UGT1A1: variants seen among roughly 807,000 people sequenced by gnomAD.
UGT1A1 encodes UDP-glucuronosyltransferase 1A1.
In UGT1A1, 33 loss-of-function variants were observed where a neutral mutation model predicts 40.6. The observed-to-expected ratio is 0.81, with a 90% CI of 0.62 to 1.09. UGT1A1 has a LOEUF of 1.09. Ranked by LOEUF, UGT1A1 falls within the 50% of genes least tolerant of loss-of-function variation. The probability of loss-of-function intolerance (pLI) is 0.00; values close to 1 mark genes in which losing one functional copy is unlikely to be tolerated. For missense variants in UGT1A1, 694 were observed against 671.2 expected (o/e 1.03, Z -0.38); for synonymous variants, 249 against 265.0 (o/e 0.94, Z 0.59).
rs62625011 is a variant in UGT1A1 at position 233,767,092 on chromosome 2, G to A, written c.923G>A (p.Gly308Glu). The A allele has an allele frequency of 2.5e-6, 4 of 1,614,070 alleles. No individual in the cohort carries two copies. In the Admixed American group the frequency reaches 5.0e-5, roughly 20 times the overall value. The change falls in exon 2 of 5, where the codon GGA becomes GAA. Residue 308 changes from glycine to glutamate, a missense_variant. Coordinates refer to ENST00000305208, the MANE Select transcript of UGT1A1 (RefSeq NM_000463.3). ...CATGGAATTGTGGTTTTCTCTTTGG[G>A]ATCAATGGTCTCAGAAATTCCAGAG... ...GEHGIVVFSL[G>E]SMVSEIPEKK...
intron 4 of UGT1A1, 99 bp downstream of exon 4, chr2:233,768,538 C>T: frequency 1.5e-6 from 2 of 1,345,412 alleles, no homozygotes; most frequent in South Asian, 1.4e-5. Context: ...AGCGTTGTTT[C>T]AAATATAAAA....
intron 1 of UGT1A1, among the ~76,000 whole-genome samples, chr2:233,761,626 A>C (rs1697818460): frequency 6.6e-6 from 1 of 152,238 alleles, no homozygotes; most frequent in Non-Finnish European, 1.5e-5. Flanking sequence ...TAAGAAGCTA[A>C]ATCCTGCAGT....
chr2:233,763,335 T>C (rs1344403817), intron 1 of UGT1A1, among the ~76,000 whole-genome samples: 2 of 152,244 alleles, frequency 1.3e-5, no homozygotes, highest in Non-Finnish European at 2.9e-5. Context: ...TTTGTTTACA[T>C]TTCCCTAGCA....
In UGT1A1 at chr2:233,768,589, T is replaced by TC. The variant is rs1441142658; in HGVS notation, c.1304+150_1304+151insC. The TC allele has an allele frequency of 2.3e-4, 239 of 1,048,606 alleles. No individual in the cohort carries two copies. In the East Asian group the frequency reaches 3.3e-3, roughly 15 times the overall value. 65.0% of individuals were successfully genotyped at this position (1,048,606 alleles called of 1,614,324 possible). A position where few individuals can be genotyped will look rare whatever the true frequency, so the allele number is the denominator to read the frequency against. ...TCTGGATTTTTATTTCTTCTTTTTT[T>TC]TTTTTTTTTTTTTTTGAGATGGAGT... On this transcript the variant is annotated intron_variant, in intron 4 of 4. Transcript: ENST00000305208.
intron 4 of UGT1A1, among the ~76,000 whole-genome samples, chr2:233,771,914 AAC>A (rs1700408525): frequency 6.6e-6 from 1 of 152,068 alleles, no homozygotes; most frequent in African/African-American, 2.4e-5. Flanking sequence ...TGATAATAGT[AAC>A]ACAGCCTGGG....
At chr2:233,766,995 T>C in intron 1 of UGT1A1, 39 bp from the exon 2 acceptor site, 2 of 1,613,538 alleles carry the variant, frequency 1.2e-6, no homozygotes, top group Admixed American at 1.7e-5. Context: ...TCAAAGAATA[T>C]GAGAAAAAAT....
rs1208281269 is a variant in UGT1A1 at position 233,769,345 on chromosome 2, G to C, written c.1304+906G>C. Among the ~76,000 whole-genome samples, 1 of 152,210 alleles carries C rather than the reference G, an allele frequency of 6.6e-6. No individual in the cohort carries two copies. The highest frequency in any genetic ancestry group is 1.5e-5 in the Non-Finnish European group (1 of 68,032). On this transcript the variant is annotated intron_variant, in intron 4 of 4. Coordinates refer to ENST00000305208, the MANE Select transcript of UGT1A1 (RefSeq NM_000463.3). This position sits in a 1 kb window ranked among gnomAD's most constrained non-coding sequence, Gnocchi z 4.4. ...GTAATAGGCTTATTAGAACCTTATG[G>C]GAAGAAGTGGTGGCCAGTGGTAGAT...
rs2125984867 is a variant in UGT1A1 at position 233,760,487 on chromosome 2, A to G, written c.200A>G (p.Tyr67Cys). ...IVVLAPDASL[Y>C]IRDGAFYTLK... ...GTCCTAGCACCTGACGCCTCGTTGTACATCAGAGACGGAGCATTTTACACC... is the reference window on the plus strand; with the variant it reads ...GTCCTAGCACCTGACGCCTCGTTGTGCATCAGAGACGGAGCATTTTACACC... Residue 67 changes from tyrosine to cysteine, a missense_variant, in exon 1 of 5, where the codon TAC becomes TGC. Tyr to Cys is a radical substitution (Grantham distance 194). Transcript: ENST00000305208. 6.2e-7 allele frequency: 1 copy of G among 1,614,244 alleles called. No homozygotes were observed. The highest frequency in any genetic ancestry group is 8.5e-7 in the Non-Finnish European group (1 of 1,180,046).
In UGT1A1 at chr2:233,772,133, A is replaced by G. The variant is rs1203476934; in HGVS notation, c.1305-129A>G. ...GTATCTAAAAACAACAACAACAACA[A>G]TAATAGAAACAGGTTTCCTTTCCCA... On this transcript the variant is annotated intron_variant, in intron 4 of 4. Coordinates refer to ENST00000305208, the MANE Select transcript of UGT1A1 (RefSeq NM_000463.3). 1.9e-6 allele frequency: 3 copies of G among 1,545,744 alleles called. No homozygotes were observed. In the East Asian group the frequency reaches 7.3e-5, roughly 38 times the overall value.
At chr2:233,767,613 G>C (rs1438949419) in intron 2 of UGT1A1, among the ~76,000 whole-genome samples, 4 of 152,108 alleles carry the variant, frequency 2.6e-5, no homozygotes, top group African/African-American at 9.7e-5. Flanking sequence ...AAAATCCTAA[G>C]TGCACAGCTT....
chr2:233,763,101 G>A (rs911643886), intron 1 of UGT1A1, among the ~76,000 whole-genome samples: 8 of 152,178 alleles, frequency 5.3e-5, no homozygotes, highest in African/African-American at 1.7e-4. Context: ...GAGAGGCACC[G>A]AACTTTATCA....
rs1487587152 is a variant in UGT1A1 at position 233,760,943 on chromosome 2, A to G, written c.656A>G (p.Gln219Arg). 1 of 1,614,220 alleles carries G rather than the reference A, an allele frequency of 6.2e-7. No individual in the cohort carries two copies. Among genetic ancestry groups the G allele is most frequent in the South Asian group, 1.1e-5 (1 of 91,076 alleles). The change falls in exon 1 of 5, where the codon CAG becomes CGG. Residue 219 changes from glutamine to arginine, a missense_variant. Transcript: ENST00000305208. ...AAGAACATGCTCATTGCCTTTTCAC[A>G]GAACTTTCTGTGCGACGTGGTTTAT... ...RVKNMLIAFS[Q>R]NFLCDVVYSP...
chr2:233,767,823 C>T (rs763238770), intron 2 of UGT1A1, 26 bp from the exon 3 acceptor site: 36 of 1,614,026 alleles, frequency 2.2e-5, no homozygotes, highest in Non-Finnish European at 2.7e-5. Context: ...TCTTTCTTTA[C>T]GTTCTGCTCT....
At chr2:233,764,941 C>T (rs937605699) in intron 1 of UGT1A1, among the ~76,000 whole-genome samples, 2 of 152,052 alleles carry the variant, frequency 1.3e-5, no homozygotes, top group Admixed American at 6.5e-5. Flanking sequence ...GTGAGAGTGG[C>T]GGGGAGAGAG....
At position 233,769,700 on chromosome 2, in the gene UGT1A1, T is replaced by A; in HGVS notation, c.1304+1261T>A. The A allele has an allele frequency of 3.3e-6, 5 of 1,527,942 alleles. No homozygotes were observed. The highest frequency in any genetic ancestry group is 4.4e-6 in the Non-Finnish European group (5 of 1,136,410). 94.6% of individuals were successfully genotyped at this position (1,527,942 alleles called of 1,614,324 possible). On this transcript the variant is annotated intron_variant, in intron 4 of 4. Transcript: ENST00000305208. This position sits in a 1 kb window ranked among gnomAD's most constrained non-coding sequence, Gnocchi z 4.4. Reference sequence around the variant, plus strand: ...GTGTGTGGTGGCACTGGATAAAAGATCAATGTTGGCTAGGCACCATGGCAC... The same window carrying A: ...GTGTGTGGTGGCACTGGATAAAAGAACAATGTTGGCTAGGCACCATGGCAC...
chr2:233,761,546 G>A (rs1697796734), intron 1 of UGT1A1, among the ~76,000 whole-genome samples: 1 of 152,224 alleles, frequency 6.6e-6, no homozygotes, highest in Admixed American at 6.5e-5. Flanking sequence ...ATTCTTTGAT[G>A]ATGATAGATC....
In UGT1A1 at chr2:233,767,104, C is replaced by T. The variant is rs1699318263; in HGVS notation, c.935C>T (p.Ser312Leu). The part of the protein sequence containing the change: ...IVVFSLGSMV[S>L]EIPEKKAMAI... ...GTTTTCTCTTTGGGATCAATGGTCT[C>T]AGAAATTCCAGAGAAGAAAGCTATG... The change falls in exon 2 of 5, where the codon TCA becomes TTA. Residue 312 changes from serine to leucine, a missense_variant. Ser to Leu is a moderately radical substitution (Grantham distance 145). Coordinates refer to ENST00000305208, the MANE Select transcript of UGT1A1 (RefSeq NM_000463.3). 6.2e-7 allele frequency: 1 copy of T among 1,614,114 alleles called. No individual in the cohort carries two copies. The highest frequency in any genetic ancestry group is 8.5e-7 in the Non-Finnish European group (1 of 1,180,014).
At chr2:233,761,926 C>A (rs986768651) in intron 1 of UGT1A1, among the ~76,000 whole-genome samples, 4 of 152,226 alleles carry the variant, frequency 2.6e-5, no homozygotes, top group Admixed American at 1.3e-4. Context: ...GCAGCCCAGG[C>A]ACTTCCCAGG....
rs1408103062 is a variant in UGT1A1 at position 233,767,311 on chromosome 2, TTTG to T, written c.996+154_996+156del. On this transcript the variant is annotated intron_variant, in intron 2 of 4. Coordinates refer to ENST00000305208, the MANE Select transcript of UGT1A1 (RefSeq NM_000463.3). The stretch of plus-strand genomic sequence containing the variant: ...CCCAACTATTAATCCAAAGGTTTTT[TTTG>T]TTGTTGTGGTTGTTGTCATTGTTTT... 34 of 1,514,266 alleles carry T rather than the reference TTTG, an allele frequency of 2.2e-5. No homozygotes were observed. In the African/African-American group the frequency reaches 2.9e-4, roughly 13 times the overall value. The allele number at this position is 1,514,266 out of a possible 1,614,324, so 93.8% of individuals were successfully genotyped here. A position where few individuals can be genotyped will look rare whatever the true frequency, so the allele number is the denominator to read the frequency against.
Sources: gnomAD v4.1 joint callset for allele counts (sites outside exome capture counted in the v4.1 genomes callset) on GRCh38, gnomAD v4.1.1 for gene constraint, Gnocchi (gnomAD v3.1) non-coding constraint, MANE v1.5 for transcripts, NCBI Gene and HGNC (gene_info 2026-07-23, HGNC 2026-07-21) for gene names.